Variants in MLF1 observed in about 807,000 individuals in gnomAD.
The protein encoded by MLF1 is myeloid leukemia factor 1, also known as myelodysplasia-myeloid leukemia factor 1.
MLF1 carries 37 observed loss-of-function variants against 38.3 expected under a neutral mutation model. The ratio of observed to expected loss-of-function variants is 0.96; its 90% CI spans 0.74 to 1.27. The LOEUF (loss-of-function observed/expected upper bound fraction) is 1.27. MLF1 is among the 50% of genes most tolerant of loss of function. The pLI, the probability that MLF1 is intolerant of heterozygous loss-of-function variation, is 0.00. For synonymous variants in MLF1, 95 were observed against 106.5 expected (o/e 0.89, Z 0.66); for missense variants, 331 against 349.2 (o/e 0.95, Z 0.42).
intron 6 of MLF1, among the ~76,000 whole-genome samples, chr3:158,601,298 A>G (rs1206456001): frequency 6.6e-6 from 1 of 151,842 alleles, no homozygotes; most frequent in Non-Finnish European, 1.5e-5. Flanking sequence ...GGCCCGGCAC[A>G]GTGACTCACG....
At chr3:158,584,625 A>C (rs1716914328) in intron 1 of MLF1, among the ~76,000 whole-genome samples, 1 of 151,774 alleles carries the variant, frequency 6.6e-6, no homozygotes, top group South Asian at 2.1e-4. Flanking sequence ...TATGCTTGCA[A>C]GGAATGAAAG....
chr3:158,589,055 A>G (rs1000975021), intron 1 of MLF1: 2 of 358,638 alleles, frequency 5.6e-6, no homozygotes, highest in Non-Finnish European at 1.1e-5. Flanking sequence ...TGCAGTGGAG[A>G]TTTTTCTCTG....
At chr3:158,585,716 A>G (rs1469026592) in intron 1 of MLF1, among the ~76,000 whole-genome samples, 2 of 152,224 alleles carry the variant, frequency 1.3e-5, no homozygotes, top group Non-Finnish European at 2.9e-5. Context: ...TCAACACAGA[A>G]TCACAGAGGA....
chr3:158,578,700 C>A (rs1715859630), intron 1 of MLF1, among the ~76,000 whole-genome samples: 1 of 152,006 alleles, frequency 6.6e-6, no homozygotes, highest in Admixed American at 6.6e-5. Context: ...AAAGTTTATT[C>A]AGTTTGGTTG....
chr3:158,585,862 A>G (rs1253977742), intron 1 of MLF1, among the ~76,000 whole-genome samples: 1 of 152,208 alleles, frequency 6.6e-6, no homozygotes, highest in Non-Finnish European at 1.5e-5. Flanking sequence ...TGGAACTCAG[A>G]TTGAAAAGAG....
chr3:158,592,273 A>G (rs887646593), intron 1 of MLF1, among the ~76,000 whole-genome samples, 161 bp from the exon 2 acceptor site: 10 of 152,172 alleles, frequency 6.6e-5, no homozygotes, highest in African/African-American at 2.4e-4. Flanking sequence ...GATCTTTATG[A>G]GATAATTCTA....
intron 5 of MLF1, among the ~76,000 whole-genome samples, chr3:158,598,442 T>G (rs1719239044): frequency 6.9e-6 from 1 of 144,074 alleles, no homozygotes; most frequent in Non-Finnish European, 1.5e-5. Flanking sequence ...TGAGGGTGCC[T>G]TTTTTCATGT....
chr3:158,589,031 C>T (rs1717741020), intron 1 of MLF1: 1 of 393,588 alleles, frequency 2.5e-6, no homozygotes, highest in Non-Finnish European at 5.1e-6. Context: ...AACTTCAAGA[C>T]TGCAGGCATT....
intron 6 of MLF1, among the ~76,000 whole-genome samples, 180 bp downstream of exon 6, chr3:158,600,353 A>G (rs2108648034): frequency 1.3e-5 from 2 of 151,988 alleles, no homozygotes; most frequent in South Asian, 4.1e-4. Flanking sequence ...TCTTTTTTAT[A>G]GTGATTTTTG....
intron 1 of MLF1, among the ~76,000 whole-genome samples, chr3:158,572,548 A>G: frequency 1.1e-5 from 1 of 89,076 alleles, no homozygotes; most frequent in African/African-American, 4.6e-5. Flanking sequence ...TGAGGGCGTG[A>G]GTTGGTGGGA....
intron 2 of MLF1, 141 bp downstream of exon 2, chr3:158,592,722 C>T (rs1409461044): frequency 1.4e-6 from 1 of 690,306 alleles, no homozygotes; most frequent in Non-Finnish European, 2.2e-6. Context: ...AAGGGGGGAC[C>T]TTTGGAAAGG....
chr3:158,589,171 T>C (rs1355119140), intron 1 of MLF1, among the ~76,000 whole-genome samples: 2 of 152,184 alleles, frequency 1.3e-5, no homozygotes, highest in African/African-American at 4.8e-5. Context: ...TCAAATTCCA[T>C]AAACATTATT....
chr3:158,592,145 G>T (rs907421548), intron 1 of MLF1, among the ~76,000 whole-genome samples: 1 of 152,096 alleles, frequency 6.6e-6, no homozygotes, highest in Non-Finnish European at 1.5e-5. Context: ...GTGAAAACCA[G>T]CATGGCTGTA....
intron 1 of MLF1, among the ~76,000 whole-genome samples, chr3:158,588,399 T>C (rs1487922890): frequency 3.3e-5 from 5 of 152,214 alleles, no homozygotes; most frequent in Non-Finnish European, 5.9e-5. Flanking sequence ...ACACATTGAT[T>C]GAGACCATCC....
intron 1 of MLF1, among the ~76,000 whole-genome samples, chr3:158,590,139 A>G (rs558233742): frequency 1.1e-3 from 161 of 152,332 alleles, no homozygotes; most frequent in Admixed American, 2.5e-3. Context: ...TAAAACCTGT[A>G]TCTGATAAAA....
chr3:158,599,656 A>G (rs1719449346), intron 5 of MLF1, among the ~76,000 whole-genome samples: 1 of 152,152 alleles, frequency 6.6e-6, no homozygotes, highest in African/African-American at 2.4e-5. Context: ...AATATGACTG[A>G]TGAATAATTA....
At chr3:158,581,337 G>T (rs890839357) in intron 1 of MLF1, among the ~76,000 whole-genome samples, 9 of 152,198 alleles carry the variant, frequency 5.9e-5, no homozygotes, top group African/African-American at 2.2e-4. Context: ...GAAGAGAGGG[G>T]TGGAAAGTAA....
rs199512999 is a variant in MLF1, at chr3:158,593,137, A to AT, written c.196-243dup. On this transcript the variant is annotated intron_variant, in intron 2 of 7. Coordinates refer to ENST00000466246, the MANE Select transcript of MLF1 (RefSeq NM_001369783.1). ...AGGTTACAAACATACTCAACTAAAA[A>AT]TTAAAAAAAAAACAGGATATTTATA... Among the ~76,000 whole-genome samples the AT allele has an allele frequency of 5.5e-3, 774 of 140,276 alleles. 12 individuals carry two copies. Among genetic ancestry groups the AT allele is most frequent in the African/African-American group, 0.023 (745 of 33,050 alleles). 92.0% of individuals were successfully genotyped at this position (140,276 alleles called of 152,430 possible).
intron 2 of MLF1, 69 bp downstream of exon 2, chr3:158,592,650 G>C (rs1576673110): frequency 2.4e-6 from 3 of 1,227,694 alleles, no homozygotes; most frequent in Non-Finnish European, 3.4e-6. Context: ...TATTACAGAA[G>C]TATATATCTA....
Sources: gnomAD v4.1 joint callset for allele counts (sites outside exome capture counted in the v4.1 genomes callset) on GRCh38, gnomAD v4.1.1 for gene constraint, MANE v1.5 for transcripts, NCBI Gene and HGNC (gene_info 2026-07-23, HGNC 2026-07-21) for gene names.